The following RRP1B variants were observed in gnomAD, a reference collection of about 807,000 sequenced individuals.
RRP1B encodes the protein ribosomal RNA processing protein 1 homolog B.
RRP1B carries 56 observed loss-of-function variants against 80.2 expected under a neutral mutation model. The ratio of observed to expected loss-of-function variants is 0.70; its 90% CI spans 0.56 to 0.87. The LOEUF (loss-of-function observed/expected upper bound fraction) is 0.87. Among genes scored for constraint, RRP1B ranks in the 40% least tolerant of loss-of-function variants. The pLI, the probability that RRP1B is intolerant of heterozygous loss-of-function variation, is 0.00. For missense variants in RRP1B, 807 were observed against 939.8 expected, an observed-to-expected ratio of 0.86 and a Z score of 1.85; for synonymous variants, 351 against 357.6, an observed-to-expected ratio of 0.98 and a Z score of 0.21.
chr21:43,667,014 A>G (rs1476733458), intron 1 of RRP1B, among the ~76,000 whole-genome samples: 2 of 148,584 alleles, frequency 1.3e-5, no homozygotes, highest in Non-Finnish European at 3.0e-5. Flanking sequence ...AACTAATATT[A>G]ATAGTTAAGA....
At chr21:43,665,899 G>A (rs191896531) in intron 1 of RRP1B, among the ~76,000 whole-genome samples, 19 of 152,262 alleles carry the variant, frequency 1.2e-4, no homozygotes, top group African/African-American at 3.4e-4. Context: ...TTATAGCAGC[G>A]CAACAGACTA....
In RRP1B at chr21:43,669,751, A is replaced by G. The variant is rs117121201; in HGVS notation, c.131-133A>G. On this transcript the variant is annotated intron_variant, in intron 1 of 15. Transcript: ENST00000340648. ...GTGTTTCTTTTATAACAATAAGGAA[A>G]TGTTTGCTTCAATTTTTTAAAAAGA... 148 of 595,978 alleles carry G rather than the reference A, an allele frequency of 2.5e-4. No homozygotes were observed. In the East Asian group the frequency reaches 4.0e-3, roughly 16 times the overall value. The allele number at this position is 595,978 out of a possible 1,614,324, so 36.9% of individuals were successfully genotyped here.
chr21:43,660,866 T>C (rs2082952187), intron 1 of RRP1B, among the ~76,000 whole-genome samples: 1 of 152,210 alleles, frequency 6.6e-6, no homozygotes, highest in Non-Finnish European at 1.5e-5. Context: ...GGCACTGCTG[T>C]TGGATGATTT....
At chr21:43,660,193 G>C (rs1401705425) in intron 1 of RRP1B, among the ~76,000 whole-genome samples, 1 of 152,172 alleles carries the variant, frequency 6.6e-6, no homozygotes, top group Non-Finnish European at 1.5e-5. Flanking sequence ...CTACCCTCGA[G>C]GATCTATTAG....
At chr21:43,669,175 G>A (rs932712536) in intron 1 of RRP1B, among the ~76,000 whole-genome samples, 3 of 151,788 alleles carry the variant, frequency 2.0e-5, no homozygotes, top group Admixed American at 2.0e-4. Flanking sequence ...AGCCAACCTG[G>A]TGATGCCACA....
intron 15 of RRP1B, among the ~76,000 whole-genome samples, chr21:43,692,910 T>C (rs1479263147): frequency 2.0e-5 from 3 of 152,046 alleles, no homozygotes; most frequent in Admixed American, 6.5e-5. Flanking sequence ...CCACCCCCAA[T>C]GTTCACCCTT....
At chr21:43,687,376 G>T in intron 12 of RRP1B, 140 bp from the exon 13 acceptor site, 3 of 946,008 alleles carry the variant, frequency 3.2e-6, no homozygotes, top group Non-Finnish European at 4.5e-6. Context: ...GGCGCACCAA[G>T]TACCTCAAGG....
At chr21:43,688,313 C>T (rs2083072842) in intron 13 of RRP1B, 73 bp downstream of exon 13, 1 of 1,457,480 alleles carries the variant, frequency 6.9e-7, no homozygotes, top group African/African-American at 1.4e-5. Flanking sequence ...CCACTGCCTC[C>T]TGAGAGGAAG....
chr21:43,673,761 G>A (rs1218687372), intron 3 of RRP1B, 109 bp from the exon 4 acceptor site: 2 of 646,996 alleles, frequency 3.1e-6, no homozygotes, highest in African/African-American at 1.8e-5. Flanking sequence ...GAATTACTGA[G>A]AAAAGTGAAT....
rs1017985769 is a variant in RRP1B at position 43,676,769 on chromosome 21, C to T, written c.651C>T (p.Phe217=). The T allele has an allele frequency of 6.8e-6, 11 of 1,614,082 alleles. No individual in the cohort carries two copies. The highest frequency in any genetic ancestry group is 5.0e-5 in the Admixed American group (3 of 60,010). ...TACAGACCATAGCTCGGGGTGTCTT[C>T]GAAGCTATCGTAGATCAGTCTCCTT... The part of the protein sequence containing the change: ...TLVQTIARGV[F]EAIVDQSPFV... The change falls in exon 8 of 16, where the codon TTC becomes TTT. Residue 217 remains phenylalanine, a synonymous_variant. Transcript: ENST00000340648.
intron 1 of RRP1B, among the ~76,000 whole-genome samples, chr21:43,660,744 G>C (rs1352901178): frequency 2.6e-5 from 4 of 152,168 alleles, no homozygotes; most frequent in African/African-American, 9.7e-5. Flanking sequence ...CGTGCCCTAG[G>C]AGTGGTTTGA....
chr21:43,680,596 T>G (rs2083039595), intron 8 of RRP1B, among the ~76,000 whole-genome samples: 1 of 151,330 alleles, frequency 6.6e-6, no homozygotes, highest in East Asian at 1.9e-4. Flanking sequence ...TGTCTTGCTC[T>G]GTTGCCCAGG....
chr21:43,674,053 C>A, intron 4 of RRP1B, 98 bp downstream of exon 4: 1 of 881,894 alleles, frequency 1.1e-6, no homozygotes. Flanking sequence ...GCAAAACAAG[C>A]CACAGGCTTA....
chr21:43,661,470 T>C (rs1214833191), intron 1 of RRP1B, among the ~76,000 whole-genome samples: 1 of 152,240 alleles, frequency 6.6e-6, no homozygotes, highest in Non-Finnish European at 1.5e-5. Flanking sequence ...TGGACTCCTC[T>C]GAATTCCTCA....
At chr21:43,682,165 A>C (rs1171298189) in intron 8 of RRP1B, among the ~76,000 whole-genome samples, 1 of 151,994 alleles carries the variant, frequency 6.6e-6, no homozygotes, top group East Asian at 1.9e-4. Flanking sequence ...AGAGTTGACT[A>C]AGGACCTGGA....
intron 11 of RRP1B, chr21:43,686,068 T>G (rs1296017644): frequency 6.9e-6 from 2 of 291,070 alleles, no homozygotes; most frequent in Non-Finnish European, 6.4e-6. Flanking sequence ...ATGCAGTAAG[T>G]TGTAATCACA....
rs142322037 is a variant in RRP1B at position 43,688,217 on chromosome 21, G to A, written c.1843G>A (p.Glu615Lys). 2.4e-4 allele frequency: 373 copies of A among 1,564,768 alleles called. No homozygotes were observed. Among genetic ancestry groups the A allele is most frequent in the Non-Finnish European group, 3.1e-4 (354 of 1,153,442 alleles). The change falls in exon 13 of 16, where the codon GAA becomes AAA. Residue 615 changes from glutamate to lysine, a missense_variant. Coordinates refer to ENST00000340648, the MANE Select transcript of RRP1B (RefSeq NM_015056.3). ...LVEHNGVLES[E>K]AGQPQALGSS... Reference sequence around the variant, plus strand: ...GGAGCACAACGGGGTGCTGGAGTCCGAAGCTGGGCAACCCCAGGCTCTGGT... The same window carrying A: ...GGAGCACAACGGGGTGCTGGAGTCCAAAGCTGGGCAACCCCAGGCTCTGGT...
intron 8 of RRP1B, among the ~76,000 whole-genome samples, chr21:43,677,146 A>AGAT (rs2083026218): frequency 6.6e-6 from 1 of 151,920 alleles, no homozygotes. Context: ...ACATTTCTGT[A>AGAT]CCTCTCAGGA....
At chr21:43,687,156 A>G (rs992588882) in intron 12 of RRP1B, among the ~76,000 whole-genome samples, 33 of 152,180 alleles carry the variant, frequency 2.2e-4, no homozygotes, top group African/African-American at 7.5e-4. Context: ...CCTGCTCTCC[A>G]GGGCACCTCT....
Sources: gnomAD v4.1 joint callset for allele counts (sites outside exome capture counted in the v4.1 genomes callset) on GRCh38, gnomAD v4.1.1 for gene constraint, MANE v1.5 for transcripts, NCBI Gene and HGNC (gene_info 2026-07-23, HGNC 2026-07-21) for gene names.